Variants in PCDH15 observed in about 807,000 individuals in gnomAD.
The protein encoded by PCDH15 is protocadherin related 15.
Under a neutral mutation model 178.5 loss-of-function variants are expected in PCDH15, and 129 were observed. The observed-to-expected ratio is 0.72, with a 90% CI of 0.63 to 0.84. The LOEUF (loss-of-function observed/expected upper bound fraction) is 0.84. PCDH15 is among the 40% of genes least tolerant of loss of function. PCDH15 has a pLI of 0.00. For synonymous variants in PCDH15, 800 were observed against 732.0 expected (o/e 1.09, Z -1.50); for missense variants, 2,230 against 2,099.9 (o/e 1.06, Z -1.21).
chr10:54,094,896 A>G (rs1485403726), intron 15 of PCDH15, among the ~76,000 whole-genome samples: 1 of 152,212 alleles, frequency 6.6e-6, no homozygotes, highest in African/African-American at 2.4e-5. Context: ...ATAGGGAAAC[A>G]AAAGTATTTA....
Position 54,877,115 on chromosome 10 carries a change from C to G in PCDH15, c.-29+20335G>C, listed in dbSNP as rs574957965. Among the ~76,000 whole-genome samples the G allele has an allele frequency of 2.0e-5, 3 of 152,190 alleles. No homozygotes were observed. The East Asian group carries it at 5.8e-4, about 29-fold the overall frequency. ...TTCCAATGACAAAAAGATTACAAAT[C>G]GCTGAAGTCTCAGATGATCATTAAC... On this transcript the variant is annotated intron_variant, in intron 3 of 5. Transcript: ENST00000458638.
At chr10:55,034,202 T>C (rs1922163) in intron 2 of PCDH15, among the ~76,000 whole-genome samples, 99,803 of 152,076 alleles carry the variant, frequency 0.66, 33,222 homozygotes, top group East Asian at 0.75. Context: ...TCTTAAACTA[T>C]TTTTTCTTTA....
chr10:54,345,201 T>C (rs1943042909), intron 6 of PCDH15, among the ~76,000 whole-genome samples: 1 of 152,046 alleles, frequency 6.6e-6, no homozygotes, highest in East Asian at 1.9e-4. Context: ...AATGAGAAAA[T>C]GCATCCACAA....
chr10:55,170,599 G>T (rs1002711694), intron 1 of PCDH15, among the ~76,000 whole-genome samples: 3 of 152,094 alleles, frequency 2.0e-5, no homozygotes, highest in Non-Finnish European at 4.4e-5. Context: ...AAGCATAATT[G>T]ATGGCCGAGT....
chr10:54,990,817 A>G (rs1839480746), intron 2 of PCDH15, among the ~76,000 whole-genome samples: 1 of 152,108 alleles, frequency 6.6e-6, no homozygotes, highest in Admixed American at 6.6e-5. Flanking sequence ...AATATATTTG[A>G]ATGTTAAATA....
intron 25 of PCDH15, among the ~76,000 whole-genome samples, chr10:53,912,240 T>G (rs1276128441): frequency 6.6e-6 from 1 of 152,108 alleles, no homozygotes; most frequent in Non-Finnish European, 1.5e-5. Flanking sequence ...TTGACAAAAT[T>G]CAACAGCCCT....
At chr10:53,967,360 A>ACAGT (rs1425925560) in intron 21 of PCDH15, among the ~76,000 whole-genome samples, 1 of 152,184 alleles carries the variant, frequency 6.6e-6, no homozygotes, top group Admixed American at 6.5e-5. Flanking sequence ...CCAGTCTTGG[A>ACAGT]CAGTTCTTTA....
chr10:55,377,896 T>C (rs775758143), intron 2 of PCDH15, among the ~76,000 whole-genome samples: 1 of 152,222 alleles, frequency 6.6e-6, no homozygotes, highest in East Asian at 1.9e-4. Flanking sequence ...AATGAGGTCA[T>C]GTCCTTCGTG....
chr10:55,572,762 A>G (rs141632687), intron 2 of PCDH15, among the ~76,000 whole-genome samples: 2 of 152,194 alleles, frequency 1.3e-5, no homozygotes, highest in African/African-American at 4.8e-5. Flanking sequence ...AGAGAGCTGA[A>G]TGAAATCAAG....
intron 2 of PCDH15, among the ~76,000 whole-genome samples, chr10:55,534,499 A>G (rs1308913588): frequency 6.6e-6 from 1 of 152,080 alleles, no homozygotes; most frequent in Non-Finnish European, 1.5e-5. Flanking sequence ...CAGAGAAATG[A>G]AAATCAAAAC....
intron 3 of PCDH15, among the ~76,000 whole-genome samples, chr10:54,467,433 TATGTG>T (rs2077593062): frequency 1.3e-5 from 2 of 151,932 alleles, no homozygotes; most frequent in Non-Finnish European, 2.9e-5. Flanking sequence ...TCACCCTCTT[TATGTG>T]ATGTATCACA....
At chr10:55,192,490 C>T (rs1336886481) in intron 1 of PCDH15, among the ~76,000 whole-genome samples, 1 of 151,674 alleles carries the variant, frequency 6.6e-6, no homozygotes, top group Non-Finnish European at 1.5e-5. Flanking sequence ...TTCTGGGTCA[C>T]TTCTTTTTTT....
At chr10:54,090,170 T>A in intron 15 of PCDH15, 107 bp from the exon 16 acceptor site, 1 of 861,672 alleles carries the variant, frequency 1.2e-6, no homozygotes. Flanking sequence ...TCCATGACAC[T>A]GTTAAAGAAT....
At chr10:55,219,781 A>G (rs561612885) in intron 1 of PCDH15, among the ~76,000 whole-genome samples, 39 of 151,820 alleles carry the variant, frequency 2.6e-4, no homozygotes, top group African/African-American at 9.2e-4. Context: ...TTTAATGAGT[A>G]CATAGCAAGG....
At chr10:54,754,006 T>G (rs1946721038) in intron 1 of PCDH15, among the ~76,000 whole-genome samples, 1 of 151,456 alleles carries the variant, frequency 6.6e-6, no homozygotes, top group South Asian at 2.1e-4. Flanking sequence ...TATTTTTTAT[T>G]TTTAGTAGAG....
chr10:55,227,452 TCTTAAGGTAAG>T lies in PCDH15; in HGVS notation c.-155-60812_-155-60802del. Among the ~76,000 whole-genome samples, 2 of 47,690 alleles carry T rather than the reference TCTTAAGGTAAG, an allele frequency of 4.2e-5. 1 individual carries two copies. The highest frequency in any genetic ancestry group is 1.7e-4 in the African/African-American group (2 of 12,050). The allele number at this position is 47,690 out of a possible 152,430, so 31.3% of individuals were successfully genotyped here. A position where few individuals can be genotyped will look rare whatever the true frequency, so the allele number is the denominator to read the frequency against. On this transcript the variant is annotated intron_variant, in intron 1 of 5. Transcript: ENST00000458638. ...TCCAACACAAGAAAGAAACATAGGA[TCTTAAGGTAAG>T]AATTGATTGATTCCCAGGATAACTG...
chr10:54,413,863 T>G (rs997351213), intron 3 of PCDH15, among the ~76,000 whole-genome samples: 1 of 152,048 alleles, frequency 6.6e-6, no homozygotes, highest in African/African-American at 2.4e-5. Context: ...ATTGGAGACT[T>G]AGAAGAATGG....
intron 8 of PCDH15, among the ~76,000 whole-genome samples, chr10:54,255,759 G>A (rs958532384): frequency 3.9e-5 from 6 of 152,024 alleles, no homozygotes; most frequent in African/African-American, 1.4e-4. Flanking sequence ...AGCCCACTCA[G>A]ATATCTCACA....
At position 54,495,623 on chromosome 10, in the gene PCDH15, C is replaced by A. The variant is rs201882532; in HGVS notation, c.157+32189G>T. 5.3e-5 allele frequency among the ~76,000 whole-genome samples: 8 copies of A among 152,166 alleles called. No homozygotes were observed. The East Asian group carries it at 1.2e-3, about 22-fold the overall frequency. On this transcript the variant is annotated intron_variant, in intron 3 of 37. Transcript: ENST00000644397. The stretch of plus-strand genomic sequence containing the variant: ...GAGATAATAAAAGTTAGAGAAAGGA[C>A]AAATGGGGAGCTTTTCTTTTTTATT...
Sources: gnomAD v4.1 joint callset for allele counts (sites outside exome capture counted in the v4.1 genomes callset) on GRCh38, gnomAD v4.1.1 for gene constraint, MANE v1.5 for transcripts, NCBI Gene and HGNC (gene_info 2026-07-23, HGNC 2026-07-21) for gene names.